The following GALNT17 variants were observed in gnomAD, a reference collection of about 807,000 sequenced individuals.
The protein encoded by GALNT17 is polypeptide N-acetylgalactosaminyltransferase 17, also known as UDP-GalNAc:polypeptide N-acetylgalactosaminyltransferase-like 3.
GALNT17 carries 29 observed loss-of-function variants against 63.7 expected under a neutral mutation model. That is an observed-to-expected ratio of 0.46 (90% CI 0.34 to 0.62). The LOEUF (loss-of-function observed/expected upper bound fraction) is 0.62, where lower values mean the gene tolerates loss of function less well. Among genes scored for constraint, GALNT17 ranks in the 20% least tolerant of loss-of-function variants. The pLI, the probability that GALNT17 is intolerant of heterozygous loss-of-function variation, is 0.01. For synonymous variants in GALNT17, 305 were observed against 318.3 expected, an observed-to-expected ratio of 0.96 and a Z score of 0.45; for missense variants, 603 against 799.6, an observed-to-expected ratio of 0.75 and a Z score of 2.97.
intron 2 of GALNT17, among the ~76,000 whole-genome samples, chr7:71,355,318 T>A (rs1057411803): frequency 6.6e-6 from 1 of 152,200 alleles, no homozygotes; most frequent in Non-Finnish European, 1.5e-5. Context: ...TAAAAGGTTT[T>A]AAGGCTTTGA....
intron 1 of GALNT17, among the ~76,000 whole-genome samples, chr7:71,229,877 G>A (rs1161105333): frequency 2.0e-5 from 3 of 152,214 alleles, no homozygotes; most frequent in Non-Finnish European, 4.4e-5. Flanking sequence ...GGGTAATAAT[G>A]GAAAAAAGCC....
chr7:71,201,738 T>A (rs114963490), intron 1 of GALNT17, among the ~76,000 whole-genome samples: 2,006 of 152,064 alleles, frequency 0.013, 40 homozygotes, highest in African/African-American at 0.046. Flanking sequence ...TTCAAGCAAT[T>A]CGCCTCCCTC....
At chr7:71,342,280 G>A (rs542273997) in intron 2 of GALNT17, among the ~76,000 whole-genome samples, 5 of 152,092 alleles carry the variant, frequency 3.3e-5, no homozygotes, top group Non-Finnish European at 5.9e-5. Context: ...TGGCAAGAGT[G>A]GGAGCAAAAG....
intron 1 of GALNT17, among the ~76,000 whole-genome samples, chr7:71,192,507 C>G (rs551631325): frequency 6.6e-6 from 1 of 151,658 alleles, no homozygotes; most frequent in African/African-American, 2.4e-5. Flanking sequence ...GTGATCCTCC[C>G]GCCTCAGCCT....
intron 7 of GALNT17, 44 bp downstream of exon 7, chr7:71,665,640 C>T (rs777029821): frequency 1.3e-6 from 2 of 1,558,706 alleles, no homozygotes; most frequent in African/African-American, 2.8e-5. Context: ...TACAGTGATC[C>T]TTACTGTTTG....
chr7:71,576,380 T>C (rs1232230842), intron 6 of GALNT17, among the ~76,000 whole-genome samples: 2 of 152,202 alleles, frequency 1.3e-5, no homozygotes, highest in Non-Finnish European at 2.9e-5. Context: ...AGTAATGGGA[T>C]TGCTGAATTG....
intron 5 of GALNT17, among the ~76,000 whole-genome samples, chr7:71,542,695 CAA>C (rs10664146): frequency 1.7e-4 from 21 of 120,380 alleles, no homozygotes; most frequent in Admixed American, 2.8e-4. Flanking sequence ...GACTCCCTGT[CAA>C]AAAAAAAAAA....
chr7:71,554,358 G>A (rs768609090), intron 5 of GALNT17, among the ~76,000 whole-genome samples: 1 of 152,176 alleles, frequency 6.6e-6, no homozygotes, highest in African/African-American at 2.4e-5. Context: ...CATGTAAGAC[G>A]TGACTTTGTT....
chr7:71,601,920 CT>C (rs560895270), intron 6 of GALNT17, among the ~76,000 whole-genome samples: 31 of 152,352 alleles, frequency 2.0e-4, no homozygotes, highest in African/African-American at 7.0e-4. Context: ...CATGATATGA[CT>C]TTCTCCTGGT....
At chr7:71,557,962 C>A (rs1005308121) in intron 5 of GALNT17, among the ~76,000 whole-genome samples, 1 of 150,876 alleles carries the variant, frequency 6.6e-6, no homozygotes. Context: ...TAATGTCAGC[C>A]ACTCAGGAGG....
At chr7:71,608,546 C>G (rs968649629) in intron 6 of GALNT17, among the ~76,000 whole-genome samples, 4 of 152,270 alleles carry the variant, frequency 2.6e-5, no homozygotes, top group Non-Finnish European at 4.4e-5. Context: ...TTGAGCTCTG[C>G]TATTGTAACA....
chr7:71,438,010 G>T (rs1786996140), intron 5 of GALNT17, among the ~76,000 whole-genome samples: 1 of 152,186 alleles, frequency 6.6e-6, no homozygotes, highest in African/African-American at 2.4e-5. Context: ...ACTGCACTTG[G>T]CAAAGAGACC....
rs180716671 is a variant in GALNT17, at chr7:71,390,161, C to T, written c.589+1760C>T. Among the ~76,000 whole-genome samples, 45 of 152,258 alleles carry T rather than the reference C, an allele frequency of 3.0e-4. 3 individuals are homozygous for T. The highest frequency in any genetic ancestry group is 2.9e-3 in the East Asian group (15 of 5,174). ...CTACAGGATTAGGAGTAGGCTAAAC[C>T]CCTTCCTTTCATCGTGCTGGGTAGG... On this transcript the variant is annotated intron_variant, in intron 3 of 10. Transcript: ENST00000333538.
At chr7:71,343,350 A>C (rs570031616) in intron 2 of GALNT17, among the ~76,000 whole-genome samples, 34 of 152,330 alleles carry the variant, frequency 2.2e-4, no homozygotes, top group Non-Finnish European at 4.0e-4. Flanking sequence ...GCAATTTTAA[A>C]CAGAACCTCA....
At chr7:71,517,210 T>C (rs930942279) in intron 5 of GALNT17, among the ~76,000 whole-genome samples, 1 of 152,178 alleles carries the variant, frequency 6.6e-6, no homozygotes, top group Admixed American at 6.5e-5. Context: ...CTGATGGCGC[T>C]CTCTTCTTGG....
At chr7:71,665,358 G>C (rs997257047) in intron 6 of GALNT17, 53 bp from the exon 7 acceptor site, 9 of 1,548,872 alleles carry the variant, frequency 5.8e-6, no homozygotes, top group Non-Finnish European at 7.8e-6. Context: ...TGGGGAGGGG[G>C]CATAGCCTCT....
intron 6 of GALNT17, among the ~76,000 whole-genome samples, chr7:71,662,312 C>T (rs199853816): frequency 3.5e-5 from 4 of 115,528 alleles, no homozygotes; most frequent in African/African-American, 1.1e-4. Flanking sequence ...TCCCCCATCT[C>T]TCTGTTTATC....
intron 3 of GALNT17, among the ~76,000 whole-genome samples, chr7:71,408,032 A>C (rs117497592): frequency 6.1e-4 from 93 of 152,258 alleles, no homozygotes; most frequent in South Asian, 5.4e-3. Context: ...AGTGAATTGT[A>C]TATTGTAAAA....
rs563116889 is a variant in GALNT17 at position 71,577,945 on chromosome 7, C to T, written c.1080+6543C>T. On this transcript the variant is annotated intron_variant, in intron 6 of 10. Transcript: ENST00000333538. The stretch of plus-strand genomic sequence containing the variant: ...ACTCAGGGTTTCATAGTGTCTGAGC[C>T]AACTGAGATCACATCAGCAGTGGGT... Among the ~76,000 whole-genome samples the T allele has an allele frequency of 7.2e-5, 11 of 152,224 alleles. No individual in the cohort carries two copies. The South Asian group carries it at 2.1e-3, about 29-fold the overall frequency.
Sources: allele counts gnomAD v4.1 joint callset (sites outside exome capture counted in the v4.1 genomes callset), GRCh38; gene constraint gnomAD v4.1.1; transcripts MANE v1.5; gene names NCBI Gene and HGNC (gene_info 2026-07-23, HGNC 2026-07-21).